Variants in ZNF318 observed in about 807,000 individuals in gnomAD.
The protein encoded by ZNF318 is endocrine regulator.
Under a neutral mutation model 124.2 loss-of-function variants are expected in ZNF318, and 51 were observed. That is an observed-to-expected ratio of 0.41 (90% confidence interval 0.33 to 0.52). The LOEUF (loss-of-function observed/expected upper bound fraction) is 0.52, where lower values mean the gene tolerates loss of function less well. ZNF318 is among the 20% of genes least tolerant of loss of function. The pLI, the probability that ZNF318 is intolerant of heterozygous loss-of-function variation, is 0.23. For missense variants in ZNF318, 2,815 were observed against 2,811.2 expected (o/e 1.00, Z -0.03); for synonymous variants, 1,090 against 1,040.7 (o/e 1.05, Z -0.91).
intron 5 of ZNF318, among the ~76,000 whole-genome samples, chr6:43,349,558 C>A (rs969868689): frequency 6.6e-6 from 1 of 152,014 alleles, no homozygotes; most frequent in Non-Finnish European, 1.5e-5. Flanking sequence ...TTCCAAACTG[C>A]AGATCCTCTG....
chr6:43,357,995 T>C (rs1779634169), intron 2 of ZNF318, among the ~76,000 whole-genome samples: 1 of 152,194 alleles, frequency 6.6e-6, no homozygotes, highest in Non-Finnish European at 1.5e-5. Flanking sequence ...TTGGGTAATT[T>C]CTCCGACTAG....
rs1779625449 is a variant in ZNF318, at chr6:43,357,480, G to A, written c.834C>T (p.Asp278=). Residue 278 remains aspartate, a synonymous_variant, in exon 3 of 10, where the codon GAC becomes GAT. Coordinates refer to ENST00000361428, the MANE Select transcript of ZNF318 (RefSeq NM_014345.3). ...CTCCCATGCTGTTTATCTTCACTGT[G>A]TCATCATAACGGGGTCTTTTGGCCT... ...SREAKRPRYD[D]TVKINSMGGD... is the part of the protein sequence containing the mutation. 6.2e-7 allele frequency: 1 copy of A among 1,614,152 alleles called. No homozygotes were observed. The highest frequency in any genetic ancestry group is 1.1e-5 in the South Asian group (1 of 91,084).
chr6:43,356,755 C>T (rs571277125), intron 3 of ZNF318, among the ~76,000 whole-genome samples: 1 of 152,152 alleles, frequency 6.6e-6, no homozygotes, highest in African/African-American at 2.4e-5. Flanking sequence ...ACAACTCATA[C>T]ATCTTGTCTT....
At chr6:43,345,291 T>C (rs1779424949) in intron 6 of ZNF318, among the ~76,000 whole-genome samples, 1 of 149,614 alleles carries the variant, frequency 6.7e-6, no homozygotes, top group African/African-American at 2.5e-5. Flanking sequence ...TCTAGGTAGA[T>C]GAAATTACAA....
chr6:43,355,714 C>G lies in ZNF318; in HGVS notation c.1620G>C (p.Gly540=). The G allele has an allele frequency of 6.2e-7, 1 of 1,614,168 alleles. No individual in the cohort carries two copies. The highest frequency in any genetic ancestry group is 8.5e-7 in the Non-Finnish European group (1 of 1,180,034). ...DIEDEEKFLY[G]DEEEDLKAES... is the part of the protein sequence containing the mutation. The stretch of plus-strand genomic sequence containing the variant: ...CTGCCTTTAAATCCTCTTCTTCATC[C>G]CCATAGAGAAATTTCTCCTCATCTT... The change falls in exon 4 of 10, where the codon GGG becomes GGC. Residue 540 remains glycine, a synonymous_variant. Transcript: ENST00000361428.
chr6:43,348,486 T>C lies in ZNF318; in HGVS notation c.2910A>G (p.Gln970=). The C allele has an allele frequency of 6.2e-7, 1 of 1,614,206 alleles. No individual in the cohort carries two copies. Among genetic ancestry groups the C allele is most frequent in the African/African-American group, 1.3e-5 (1 of 75,054 alleles). ...RQEAEEAEKK[Q]SELDKVAQIL... ...TCTGAGCCACTTTGTCCAGTTCAGA[T>C]TGCTTCTTTTCTGCCTCTTCTGCCT... is the stretch of plus-strand genomic sequence containing the variant. Residue 970 remains glutamine, a synonymous_variant, in exon 6 of 10, where the codon CAA becomes CAG. Transcript: ENST00000361428.
intron 6 of ZNF318, among the ~76,000 whole-genome samples, chr6:43,344,259 T>C (rs1346953018): frequency 6.6e-6 from 1 of 152,194 alleles, no homozygotes; most frequent in Non-Finnish European, 1.5e-5. Context: ...GAGTATTAAC[T>C]GGCACCATCT....
chr6:43,352,308 TG>T, intron 5 of ZNF318, 68 bp downstream of exon 5: 1 of 1,053,270 alleles, frequency 9.5e-7, no homozygotes. Context: ...TGAACCTGTG[TG>T]AGAGTACCAA....
intron 2 of ZNF318, chr6:43,364,289 A>T (rs1363343455): frequency 2.2e-6 from 1 of 454,324 alleles, no homozygotes; most frequent in Non-Finnish European, 3.9e-6. Flanking sequence ...TGTGGCTACA[A>T]CATAGGGTTT....
chr6:43,363,677 T>C (rs1779717609), intron 2 of ZNF318: 4 of 548,624 alleles, frequency 7.3e-6, no homozygotes, highest in Non-Finnish European at 1.3e-5. Context: ...TTCCTGCCCA[T>C]CAAGGAATCT....
chr6:43,343,006 G>T, intron 6 of ZNF318, 127 bp from the exon 7 acceptor site: 1 of 764,284 alleles, frequency 1.3e-6, no homozygotes, highest in Non-Finnish European at 2.1e-6. Context: ...GTTTAAAGCT[G>T]CACAAGTTGG....
rs1297089974 is a variant in ZNF318, at chr6:43,369,007, C to T, written c.359G>A (p.Arg120Gln). ...SRGESRADYARDGRGDHPGDS... is the reference protein window; with the variant it reads ...SRGESRADYAQDGRGDHPGDS... ...GCCTGGATGGTCTCCGCGGCCGTCC[C>T]GGGCATAGTCGGCGCGGGACTCCCC... is the stretch of plus-strand genomic sequence containing the variant. Residue 120 changes from arginine to glutamine, a missense_variant, in exon 1 of 10, where the codon CGG (arginine) becomes CAG (glutamine). Arg to Gln is a conservative substitution (Grantham distance 43). Around this residue, in one of 4 missense-constraint regions of ZNF318, gnomAD observed 1,377 missense variants for 1,353.5 expected, o/e 1.02. Coordinates refer to ENST00000361428, the MANE Select transcript of ZNF318 (RefSeq NM_014345.3). 43 of 1,433,534 alleles carry T rather than the reference C, an allele frequency of 3.0e-5. No homozygotes were observed. The highest frequency in any genetic ancestry group is 3.7e-5 in the Non-Finnish European group (40 of 1,091,622). The allele number at this position is 1,433,534 out of a possible 1,614,324, so 88.8% of individuals were successfully genotyped here.
chr6:43,343,852 A>AT, intron 6 of ZNF318, among the ~76,000 whole-genome samples: 2 of 133,154 alleles, frequency 1.5e-5, no homozygotes, highest in East Asian at 4.5e-4. Context: ...AAAAAAAAAA[A>AT]TTTTAACACC....
chr6:43,348,063 G>A (rs888938421), intron 6 of ZNF318, among the ~76,000 whole-genome samples: 9 of 152,188 alleles, frequency 5.9e-5, no homozygotes, highest in African/African-American at 1.9e-4. Context: ...AAGATCAGAA[G>A]CCAGATAGGA....
rs577920302 is a variant in ZNF318, at chr6:43,336,948, T to A, written c.*210A>T. 4.0e-5 allele frequency: 13 copies of A among 325,228 alleles called. No homozygotes were observed. The East Asian group carries it at 6.4e-4, about 16-fold the overall frequency. 20.1% of individuals were successfully genotyped at this position (325,228 alleles called of 1,614,324 possible). On this transcript the variant is annotated 3_prime_UTR_variant, in exon 10 of 10. Transcript: ENST00000361428. ...TTTTACAGATATATATATATATATA[T>A]AAGTTGTTATCGATTTGTCTGGTGT...
chr6:43,348,345 G>A lies in ZNF318; in HGVS notation c.3051C>T (p.Phe1017=). 1.9e-6 allele frequency: 3 copies of A among 1,609,280 alleles called. No individual in the cohort carries two copies. Among genetic ancestry groups the A allele is most frequent in the Non-Finnish European group, 2.5e-6 (3 of 1,178,170 alleles). The change falls in exon 6 of 10, where the codon TTC becomes TTT. Residue 1017 remains phenylalanine, a synonymous_variant. Coordinates refer to ENST00000361428, the MANE Select transcript of ZNF318 (RefSeq NM_014345.3). The part of the protein sequence containing the change: ...KSKSPEKVSS[F]SNSSSNKESK... ...TTACCTTGTTGGAGGAGGAGTTTGA[G>A]AACGATGACACTTTTTCTGGGCTCT...
chr6:43,342,964 TAGAAA>T, intron 6 of ZNF318, 85 bp from the exon 7 acceptor site: 2 of 1,114,656 alleles, frequency 1.8e-6, no homozygotes, highest in Non-Finnish European at 2.6e-6. Flanking sequence ...GCCATAATAA[TAGAAA>T]TAGGGCCATA....
In ZNF318 at chr6:43,352,177, T is replaced by TCACCACCAC. The variant is rs1491380269; in HGVS notation, c.2770+199_2770+200insGTGGTGGTG. On this transcript the variant is annotated intron_variant, in intron 5 of 9. Transcript: ENST00000361428. ...ATCATCATCATCATCATCATCATCA[T>TCACCACCAC]CATCATCACCACCACCATCATCTGG... Among the ~76,000 whole-genome samples, 1,040 of 150,150 alleles carry TCACCACCAC rather than the reference T, an allele frequency of 6.9e-3. 7 individuals are homozygous for TCACCACCAC. Among genetic ancestry groups the TCACCACCAC allele is most frequent in the African/African-American group, 8.3e-3 (337 of 40,784 alleles).
chr6:43,362,349 A>T (rs1779693138), intron 2 of ZNF318, among the ~76,000 whole-genome samples: 1 of 151,834 alleles, frequency 6.6e-6, no homozygotes, highest in Non-Finnish European at 1.5e-5. Context: ...GCTACTCAGG[A>T]GGCTGAGGCA....
Sources: gnomAD v4.1 joint callset for allele counts (sites outside exome capture counted in the v4.1 genomes callset) on GRCh38, gnomAD v4.1.1 for gene constraint, gnomAD v4.1.1 regional missense constraint, MANE v1.5 for transcripts, NCBI Gene and HGNC (gene_info 2026-07-23, HGNC 2026-07-21) for gene names.